The following RARS2 variants were observed in gnomAD, a reference collection of about 807,000 sequenced individuals.
The protein encoded by RARS2 is probable arginine--tRNA ligase, mitochondrial.
Under a neutral mutation model 88.5 loss-of-function variants are expected in RARS2, and 67 were observed. The ratio of observed to expected loss-of-function variants is 0.76; its 90% confidence interval spans 0.62 to 0.93. The LOEUF (loss-of-function observed/expected upper bound fraction) is 0.93. RARS2 is among the 40% of genes least tolerant of loss of function. The pLI is 0.00. For missense variants in RARS2, 664 were observed against 684.2 expected, an observed-to-expected ratio of 0.97 and a Z score of 0.33; for synonymous variants, 239 against 230.3, an observed-to-expected ratio of 1.04 and a Z score of -0.34.
intron 17 of RARS2, among the ~76,000 whole-genome samples, chr6:87,517,375 T>C (rs1772141558): frequency 6.6e-6 from 1 of 152,216 alleles, no homozygotes. Context: ...TGGCAGGGAC[T>C]TTCTAAATCA....
At chr6:87,517,910 G>A (rs1367727258) in intron 17 of RARS2, among the ~76,000 whole-genome samples, 3 of 152,118 alleles carry the variant, frequency 2.0e-5, no homozygotes, top group Non-Finnish European at 4.4e-5. Flanking sequence ...GGCTTTATGT[G>A]AGCTAGAGGC....
intron 11 of RARS2, among the ~76,000 whole-genome samples, chr6:87,524,253 GGCT>G (rs1028274101): frequency 1.3e-5 from 2 of 152,084 alleles, no homozygotes; most frequent in Non-Finnish European, 2.9e-5. Context: ...AATGTGACAT[GGCT>G]GCTTTCTCCC....
intron 10 of RARS2, among the ~76,000 whole-genome samples, chr6:87,528,920 A>G (rs1484850491): frequency 6.6e-6 from 1 of 152,212 alleles, no homozygotes; most frequent in African/African-American, 2.4e-5. Context: ...ATGTTAATTA[A>G]CTTGATTTCA....
chr6:87,570,033 A>T (rs185825147), intron 1 of RARS2, among the ~76,000 whole-genome samples: 5 of 152,310 alleles, frequency 3.3e-5, no homozygotes, highest in Admixed American at 2.6e-4. Flanking sequence ...TACAGCAGTG[A>T]ACAAAACAGA....
rs772883831 is a variant in RARS2 at position 87,530,881 on chromosome 6, T to A, written c.674A>T (p.Glu225Val). 5.0e-6 allele frequency: 8 copies of A among 1,614,092 alleles called. No individual in the cohort carries two copies. The highest frequency in any genetic ancestry group is 1.3e-5 in the African/African-American group (1 of 74,930). ...GCCCAGTTCCAATCGTTGGAAGAAC[T>A]CCTGTGCTGCTTTTGCTACACTTTT... ...DDKSVAKAAQ[E>V]FFQRLELGDV... Residue 225 changes from glutamate (E) to valine (V), a missense_variant, in exon 9 of 20, where the codon GAG becomes GTG. Glu to Val is a moderately radical substitution (Grantham distance 121). Transcript: ENST00000369536.
At chr6:87,566,407 T>G (rs1166796309) in intron 2 of RARS2, among the ~76,000 whole-genome samples, 1 of 152,236 alleles carries the variant, frequency 6.6e-6, no homozygotes, top group Non-Finnish European at 1.5e-5. Context: ...GGCTTTTATC[T>G]TTTCTTATTC....
chr6:87,549,995 A>G (rs1044513098), intron 5 of RARS2, among the ~76,000 whole-genome samples: 6 of 152,228 alleles, frequency 3.9e-5, no homozygotes, highest in Non-Finnish European at 8.8e-5. Context: ...AAGTGGTAAA[A>G]CTAGAGTTTA....
chr6:87,529,945 C>T (rs1261299675), intron 9 of RARS2, among the ~76,000 whole-genome samples: 1 of 152,074 alleles, frequency 6.6e-6, no homozygotes, highest in East Asian at 1.9e-4. Flanking sequence ...CTAATAGTTT[C>T]CACTATACCA....
intron 4 of RARS2, among the ~76,000 whole-genome samples, chr6:87,560,842 C>T (rs901484514): frequency 9.2e-5 from 14 of 152,122 alleles, no homozygotes; most frequent in Non-Finnish European, 1.6e-4. Context: ...AAGCAAAGAT[C>T]GTGCCATTGC....
In RARS2 at chr6:87,581,419, C is replaced by G. The variant is rs116608754; in HGVS notation, c.36+8503G>C. On this transcript the variant is annotated intron_variant, in intron 1 of 19. Transcript: ENST00000369536. The stretch of plus-strand genomic sequence containing the variant: ...TACCAAGTCAGGCACTGTAGGTTTG[C>G]CACCAAGACCAGTGCAGAAGCCCTC... 2.5e-3 allele frequency among the ~76,000 whole-genome samples: 385 copies of G among 152,198 alleles called. 2 individuals are homozygous for G. Among genetic ancestry groups the G allele is most frequent in the African/African-American group, 8.7e-3 (363 of 41,520 alleles).
At chr6:87,569,727 A>G (rs1769044775) in intron 1 of RARS2, 137 bp from the exon 2 acceptor site, 1 of 735,080 alleles carries the variant, frequency 1.4e-6, no homozygotes, top group East Asian at 2.7e-5. Flanking sequence ...GAAGGAAGCC[A>G]GATTCAAAAA....
At position 87,520,109 on chromosome 6, in the gene RARS2, C is replaced by CT. The variant is rs1773343658; in HGVS notation, c.1112+70dup. The CT allele has an allele frequency of 1.5e-5, 19 of 1,286,804 alleles. No homozygotes were observed. The Admixed American group carries it at 3.1e-4, about 21-fold the overall frequency. The allele number at this position is 1,286,804 out of a possible 1,614,324, so 79.7% of individuals were successfully genotyped here. On this transcript the variant is annotated intron_variant, in intron 13 of 19. Coordinates refer to ENST00000369536, the MANE Select transcript of RARS2 (RefSeq NM_020320.5). ...AAAGAATTGAAATCTGAGTGAAAAA[C>CT]TTTAACCACTAGGTACATTTTCAGG...
At chr6:87,589,876 G>T in intron 1 of RARS2, 46 bp downstream of exon 1, 1 of 1,614,180 alleles carries the variant, frequency 6.2e-7, no homozygotes, top group Non-Finnish European at 8.5e-7. Flanking sequence ...GGCCTTTGGG[G>T]TCCCTAGCTC....
intron 5 of RARS2, among the ~76,000 whole-genome samples, chr6:87,553,641 T>G (rs184427591): frequency 6.6e-6 from 1 of 152,316 alleles, no homozygotes; most frequent in East Asian, 1.9e-4. Flanking sequence ...GGGCTTAGGT[T>G]TAACAATCCC....
At chr6:87,544,391 T>C (rs918458027) in intron 7 of RARS2, among the ~76,000 whole-genome samples, 2 of 152,192 alleles carry the variant, frequency 1.3e-5, no homozygotes, top group Non-Finnish European at 2.9e-5. Context: ...ACTGTAGATA[T>C]AAAAGTTAAG....
rs759277205 is a variant in RARS2 at position 87,522,912 on chromosome 6, C to CA, written c.975-1389dup. Reference sequence around the variant, plus strand: ...GGCGTGAGCCACTACAGCTGGCCAACAAAAAATCTTATTCTTCATGCATAA... The same window carrying CA: ...GGCGTGAGCCACTACAGCTGGCCAACAAAAAAATCTTATTCTTCATGCATAA... On this transcript the variant is annotated intron_variant, in intron 11 of 19. Transcript: ENST00000369536. Among the ~76,000 whole-genome samples, 13 of 152,180 alleles carry CA rather than the reference C, an allele frequency of 8.5e-5. 2 individuals are homozygous for CA. The East Asian group carries it at 1.5e-3, about 18-fold the overall frequency.
At chr6:87,564,294 AG>A in intron 2 of RARS2, 62 bp from the exon 3 acceptor site, 1 of 1,179,666 alleles carries the variant, frequency 8.5e-7, no homozygotes. Flanking sequence ...TGTTAAACAA[AG>A]ACTAATCACT....
At chr6:87,588,239 C>G (rs551445886) in intron 1 of RARS2, among the ~76,000 whole-genome samples, 1 of 152,312 alleles carries the variant, frequency 6.6e-6, no homozygotes, top group Admixed American at 6.5e-5. Flanking sequence ...GGTTTACTGT[C>G]TACATTAACA....
At chr6:87,538,860 C>G (rs1339899752) in intron 8 of RARS2, among the ~76,000 whole-genome samples, 1 of 151,824 alleles carries the variant, frequency 6.6e-6, no homozygotes, top group African/African-American at 2.4e-5. Flanking sequence ...ATAGGGAGAC[C>G]CTGTCTCTAT....
Sources: gnomAD v4.1 joint callset for allele counts (sites outside exome capture counted in the v4.1 genomes callset) on GRCh38, gnomAD v4.1.1 for gene constraint, MANE v1.5 for transcripts, NCBI Gene and HGNC (gene_info 2026-07-23, HGNC 2026-07-21) for gene names.